NTRK3: variants seen among roughly 807,000 people sequenced by gnomAD.
NTRK3 encodes NT-3 growth factor receptor.
NTRK3 carries 24 observed loss-of-function variants against 91.7 expected under a neutral mutation model. The observed-to-expected ratio is 0.26, with a 90% confidence interval of 0.19 to 0.37. NTRK3 has a LOEUF of 0.37. Ranked by LOEUF, NTRK3 falls within the 10% of genes least tolerant of loss-of-function variation. The pLI is 1.00. For missense variants in NTRK3, 880 were observed against 1,068.9 expected (o/e 0.82, Z 2.46); for synonymous variants, 483 against 404.0 (o/e 1.20, Z -2.34).
Position 88,237,652 on chromosome 15 carries a change from C to T in NTRK3, c.248+18254G>A, listed in dbSNP as rs2141839634. Among the ~76,000 whole-genome samples, 1 of 152,248 alleles carries T rather than the reference C, an allele frequency of 6.6e-6. No homozygotes were observed. Among genetic ancestry groups the T allele is most frequent in the East Asian group, 1.9e-4 (1 of 5,184 alleles). Reference sequence around the variant, plus strand: ...TGCACTTGCTTGCGTGTGTCCTTCCCTTTATCCACCTCTATTCCACCTAAG... The same window carrying T: ...TGCACTTGCTTGCGTGTGTCCTTCCTTTTATCCACCTCTATTCCACCTAAG... On this transcript the variant is annotated intron_variant, in intron 3 of 18. Coordinates refer to ENST00000394480, the Ensembl canonical transcript of NTRK3. This position sits in a 1 kb window ranked among gnomAD's most constrained non-coding sequence, Gnocchi z 4.0.
At chr15:88,160,222 G>C (rs2151426933) in intron 5 of NTRK3, among the ~76,000 whole-genome samples, 1 of 152,320 alleles carries the variant, frequency 6.6e-6, no homozygotes, top group African/African-American at 2.4e-5. Flanking sequence ...AGGGGGTGCT[G>C]CTGAGCAGAG....
chr15:87,886,676 C>CTACATA (rs1555429880), intron 17 of NTRK3, among the ~76,000 whole-genome samples: 4 of 101,204 alleles, frequency 4.0e-5, no homozygotes, highest in Admixed American at 1.0e-4. Context: ...CCACTTTTTG[C>CTACATA]TATATATATA....
chr15:87,929,480 G>A (rs2068609058), intron 16 of NTRK3, 46 bp from the exon 17 acceptor site: 2 of 1,606,758 alleles, frequency 1.2e-6, no homozygotes, highest in African/African-American at 1.3e-5. Flanking sequence ...GAAATCAGGA[G>A]ATCAAGGAGA....
At chr15:88,020,209 C>G (rs2077507598) in intron 14 of NTRK3, among the ~76,000 whole-genome samples, 1 of 152,126 alleles carries the variant, frequency 6.6e-6, no homozygotes, top group African/African-American at 2.4e-5. Flanking sequence ...AAGAATCAAT[C>G]AAACAAAAAC....
At chr15:88,110,975 G>A (rs2051279463) in intron 13 of NTRK3, among the ~76,000 whole-genome samples, 4 of 152,200 alleles carry the variant, frequency 2.6e-5, no homozygotes, top group African/African-American at 7.2e-5. Context: ...AACTTCAGGA[G>A]ATATTTAGGT....
rs548991980 is a variant in NTRK3 at position 87,931,391 on chromosome 15, G to A, written c.1889+1621C>T. Among the ~76,000 whole-genome samples, 7 of 152,308 alleles carry A rather than the reference G, an allele frequency of 4.6e-5. No homozygotes were observed. The South Asian group carries it at 1.0e-3, about 23-fold the overall frequency. On this transcript the variant is annotated intron_variant, in intron 16 of 18. Coordinates refer to ENST00000394480, the Ensembl canonical transcript of NTRK3. ...TCACAATTCTCACAAAATAGTAATA[G>A]TAATAACTTCAATAGCAGCTACCAT...
At chr15:87,889,114 A>G (rs2065714236) in intron 17 of NTRK3, among the ~76,000 whole-genome samples, 1 of 152,132 alleles carries the variant, frequency 6.6e-6, no homozygotes, top group South Asian at 2.1e-4. Flanking sequence ...ATTTTCCCCT[A>G]TAAACACAGC....
Position 87,868,036 on chromosome 15 carries a change from A to C in NTRK3, c.*8899T>G, listed in dbSNP as rs1443302841. 11 of 231,018 alleles carry C rather than the reference A, an allele frequency of 4.8e-5. No individual in the cohort carries two copies. The East Asian group carries it at 6.1e-4, about 13-fold the overall frequency. The allele number at this position is 231,018 out of a possible 1,614,324, so 14.3% of individuals were successfully genotyped here. The stretch of plus-strand genomic sequence containing the variant: ...GATAATAAGAGGAAAGATGAGCTAT[A>C]GATGACTTTAAGAAATCACACATGT... On this transcript the variant is annotated 3_prime_UTR_variant, in exon 19 of 19. Coordinates refer to ENST00000394480, the Ensembl canonical transcript of NTRK3.
chr15:88,055,225 T>C (rs1177628420), intron 13 of NTRK3, among the ~76,000 whole-genome samples: 2 of 152,054 alleles, frequency 1.3e-5, no homozygotes, highest in African/African-American at 4.8e-5. Context: ...CCTCCCCACC[T>C]CTCTATTGGA....
At position 87,897,539 on chromosome 15, in the gene NTRK3, G is replaced by A. The variant is rs186936331; in HGVS notation, c.2134-17111C>T. Among the ~76,000 whole-genome samples, 158 of 152,218 alleles carry A rather than the reference G, an allele frequency of 1.0e-3. 1 individual carries two copies. Among genetic ancestry groups the A allele is most frequent in the Middle Eastern group, 0.01 (3 of 294 alleles). ...CTCAAGTCACTCAACAAAGCTGGAG[G>A]TCTCAACCAAGCTCAGATCCATGGA... is the stretch of plus-strand genomic sequence containing the variant. On this transcript the variant is annotated intron_variant, in intron 17 of 18. Transcript: ENST00000394480.
At chr15:88,004,035 C>T (rs1033495534) in intron 14 of NTRK3, among the ~76,000 whole-genome samples, 1 of 152,146 alleles carries the variant, frequency 6.6e-6, no homozygotes, top group Non-Finnish European at 1.5e-5. Context: ...CTCTCTTGGT[C>T]TAACTGGCTT....
intron 13 of NTRK3, among the ~76,000 whole-genome samples, chr15:88,053,777 A>G (rs551289602): frequency 1.3e-5 from 2 of 152,254 alleles, no homozygotes; most frequent in Non-Finnish European, 2.9e-5. Flanking sequence ...GATAAATATT[A>G]GTAATTAATA....
chr15:88,011,135 T>A (rs953234786), intron 14 of NTRK3, among the ~76,000 whole-genome samples: 1 of 151,972 alleles, frequency 6.6e-6, no homozygotes, highest in Non-Finnish European at 1.5e-5. Context: ...CAGGCCATCA[T>A]GACTGGATCC....
At chr15:88,251,496 C>T (rs1336575516) in intron 3 of NTRK3, among the ~76,000 whole-genome samples, 1 of 152,252 alleles carries the variant, frequency 6.6e-6, no homozygotes. Context: ...TGCCACCAGC[C>T]AACTGGAGGC....
intron 14 of NTRK3, among the ~76,000 whole-genome samples, chr15:88,030,342 C>T (rs1284738205): frequency 6.6e-6 from 1 of 152,168 alleles, no homozygotes; most frequent in African/African-American, 2.4e-5. Flanking sequence ...CTTGGCTATG[C>T]TTTGTTTTGA....
exon 19 of NTRK3, chr15:87,871,347 A>G (rs751142856): frequency 1.6e-4 from 37 of 231,202 alleles, no homozygotes; most frequent in Non-Finnish European, 3.1e-4. Context: ...TCAGAGCAAA[A>G]GTTCTAATAC....
At chr15:88,107,211 G>C (rs192112148) in intron 13 of NTRK3, among the ~76,000 whole-genome samples, 3 of 152,124 alleles carry the variant, frequency 2.0e-5, no homozygotes, top group African/African-American at 7.2e-5. Flanking sequence ...GGGAGGCTGA[G>C]GTGAGCAGAT....
intron 13 of NTRK3, among the ~76,000 whole-genome samples, chr15:88,058,248 T>C (rs1017640869): frequency 2.0e-5 from 3 of 152,120 alleles, no homozygotes; most frequent in African/African-American, 7.2e-5. Flanking sequence ...GTCAGACAGT[T>C]CTTGAGTTCA....
Position 88,166,305 on chromosome 15 carries a change from C to T in NTRK3, c.395+17113G>A, listed in dbSNP as rs188901984. Among the ~76,000 whole-genome samples the T allele has an allele frequency of 2.0e-5, 3 of 152,352 alleles. No homozygotes were observed. In the East Asian group the frequency reaches 5.8e-4, roughly 29 times the overall value. ...GAAGGGGCACTCCCTCTACTGTTTA[C>T]ATCTGGGTCTAGATCCCAGCAGGAG... On this transcript the variant is annotated intron_variant, in intron 5 of 18. Transcript: ENST00000394480.
Sources: allele counts gnomAD v4.1 joint callset (sites outside exome capture counted in the v4.1 genomes callset), GRCh38; gene constraint gnomAD v4.1.1; non-coding constraint Gnocchi (gnomAD v3.1); transcripts MANE v1.5; gene names NCBI Gene and HGNC (gene_info 2026-07-23, HGNC 2026-07-21).